PMFBP1: variants seen among roughly 807,000 people sequenced by gnomAD.
The protein encoded by PMFBP1 is polyamine modulated factor 1 binding protein 1.
Under a neutral mutation model 137.8 loss-of-function variants are expected in PMFBP1, and 131 were observed. That is an observed-to-expected ratio of 0.95 (90% CI 0.82 to 1.10). PMFBP1 has a LOEUF of 1.10. Ranked by LOEUF, PMFBP1 falls within the 50% of genes least tolerant of loss-of-function variation. PMFBP1 has a pLI of 0.00. For missense variants in PMFBP1, 1,199 were observed against 1,175.4 expected, an observed-to-expected ratio of 1.02 and a Z score of -0.29; for synonymous variants, 490 against 450.4, an observed-to-expected ratio of 1.09 and a Z score of -1.11.
chr16:72,153,785 A>T (rs1203616601), intron 4 of PMFBP1, among the ~76,000 whole-genome samples: 1 of 147,600 alleles, frequency 6.8e-6, no homozygotes. Flanking sequence ...CGTGCCAGGA[A>T]TTTATATATT....
the PMFBP1 span, among the ~76,000 whole-genome samples, chr16:72,209,895 C>G: frequency 6.6e-6 from 1 of 152,224 alleles, no homozygotes; most frequent in South Asian, 2.1e-4. Flanking sequence ...CCTGCTTCAG[C>G]CTCTCTGGGA....
chr16:72,213,130 T>C, the PMFBP1 span, among the ~76,000 whole-genome samples: 2 of 143,634 alleles, frequency 1.4e-5, no homozygotes, highest in African/African-American at 5.1e-5. Flanking sequence ...GAAACAGACA[T>C]CAACTTAAGA....
chr16:72,241,013 A>G, the PMFBP1 span, among the ~76,000 whole-genome samples: 1 of 152,014 alleles, frequency 6.6e-6, no homozygotes, highest in African/African-American at 2.4e-5. Flanking sequence ...GGACTACTTA[A>G]CCTTGGTAGA....
the PMFBP1 span, among the ~76,000 whole-genome samples, chr16:72,201,118 T>C: frequency 2.0e-5 from 3 of 152,210 alleles, no homozygotes; most frequent in East Asian, 5.8e-4. Flanking sequence ...AGATGCATAA[T>C]GTGTGACCAC....
At chr16:72,201,440 C>A in the PMFBP1 span, among the ~76,000 whole-genome samples, 2 of 152,228 alleles carry the variant, frequency 1.3e-5, no homozygotes. Flanking sequence ...CACATTACAT[C>A]TTGTTTTCAA....
intron 5 of PMFBP1, 36 bp from the exon 6 acceptor site, chr16:72,140,618 A>G (rs774242949): frequency 1.2e-5 from 19 of 1,576,950 alleles, no homozygotes; most frequent in Non-Finnish European, 1.7e-5. Flanking sequence ...GATTTTGCTT[A>G]TAGTTTGTGA....
chr16:72,133,487 T>C (rs1228791374), intron 9 of PMFBP1, among the ~76,000 whole-genome samples: 1 of 152,136 alleles, frequency 6.6e-6, no homozygotes, highest in Non-Finnish European at 1.5e-5. Flanking sequence ...CCGTTTATTA[T>C]CTTAGTTTAG....
chr16:72,202,939 A>G, the PMFBP1 span, among the ~76,000 whole-genome samples: 2 of 152,202 alleles, frequency 1.3e-5, no homozygotes, highest in Non-Finnish European at 2.9e-5. Context: ...CGACGTTCAG[A>G]GTCACTCCTG....
chr16:72,161,643 C>T (rs1597488814), intron 3 of PMFBP1, among the ~76,000 whole-genome samples: 1 of 152,114 alleles, frequency 6.6e-6, no homozygotes, highest in Admixed American at 6.5e-5. Flanking sequence ...GTTCTTCATA[C>T]AGCTTTCCCT....
the PMFBP1 span, among the ~76,000 whole-genome samples, chr16:72,188,772 C>T: frequency 1.3e-4 from 20 of 152,228 alleles, no homozygotes; most frequent in Admixed American, 2.6e-4. Context: ...ACCCCACCCC[C>T]GCCAAAATAC....
Position 72,123,125 on chromosome 16 carries a change from G to A in PMFBP1, c.2694-137C>T, listed in dbSNP as rs542794688. 5.6e-5 allele frequency: 41 copies of A among 732,918 alleles called. No individual in the cohort carries two copies. The East Asian group carries it at 8.2e-4, about 15-fold the overall frequency. The allele number at this position is 732,918 out of a possible 1,614,324, so 45.4% of individuals were successfully genotyped here. ...ACGTCCCCCACGCATCACCCCGTCC[G>A]CAGAGCTAAGGCCTTCCTAGCACCT... On this transcript the variant is annotated intron_variant, in intron 18 of 20. Coordinates refer to ENST00000237353, the MANE Select transcript of PMFBP1 (RefSeq NM_031293.3).
chr16:72,143,214 T>C (rs1297182922), intron 5 of PMFBP1, among the ~76,000 whole-genome samples: 1 of 152,190 alleles, frequency 6.6e-6, no homozygotes, highest in Non-Finnish European at 1.5e-5. Flanking sequence ...AGAACAGGCA[T>C]TATACTTAAT....
the PMFBP1 span, among the ~76,000 whole-genome samples, chr16:72,225,374 C>A: frequency 6.6e-6 from 1 of 152,046 alleles, no homozygotes; most frequent in African/African-American, 2.4e-5. Context: ...TATCTCAGGA[C>A]AGCAGGGAAA....
chr16:72,213,207 T>G, the PMFBP1 span, among the ~76,000 whole-genome samples: 3,169 of 120,364 alleles, frequency 0.026, 1 homozygote, highest in Middle Eastern at 0.035. Flanking sequence ...CGGGGGGGGG[T>G]GGGGAAAGGG....
At chr16:72,128,046 A>G (rs2042488458) in intron 14 of PMFBP1, among the ~76,000 whole-genome samples, 1 of 152,240 alleles carries the variant, frequency 6.6e-6, no homozygotes, top group Non-Finnish European at 1.5e-5. Flanking sequence ...AACAGGTGTT[A>G]GAGCTGGATA....
At chr16:72,231,653 G>C in the PMFBP1 span, among the ~76,000 whole-genome samples, 8 of 152,014 alleles carry the variant, frequency 5.3e-5, no homozygotes, top group African/African-American at 1.9e-4. Flanking sequence ...ACACAATAAA[G>C]TTAATCTTAA....
chr16:72,233,354 T>C, the PMFBP1 span, among the ~76,000 whole-genome samples: 2 of 152,162 alleles, frequency 1.3e-5, no homozygotes, highest in Non-Finnish European at 2.9e-5. Context: ...ATGAAAAGAA[T>C]GAATTCTACT....
chr16:72,139,249 G>T, intron 7 of PMFBP1, 40 bp downstream of exon 7: 2 of 1,449,502 alleles, frequency 1.4e-6, no homozygotes, highest in Non-Finnish European at 1.9e-6. Context: ...ACCCAGCTCA[G>T]CCCGATCCCA....
intron 9 of PMFBP1, among the ~76,000 whole-genome samples, chr16:72,135,681 C>T (rs2042616780): frequency 6.7e-6 from 1 of 149,610 alleles, no homozygotes; most frequent in African/African-American, 2.5e-5. Context: ...TAGGGCACAG[C>T]TCCATTAATA....
Sources: gnomAD v4.1 joint callset for allele counts (sites outside exome capture counted in the v4.1 genomes callset) on GRCh38, gnomAD v4.1.1 for gene constraint, MANE v1.5 for transcripts, NCBI Gene and HGNC (gene_info 2026-07-23, HGNC 2026-07-21) for gene names.